GRIN3B: variants seen among roughly 807,000 people sequenced by gnomAD.
GRIN3B encodes the protein glutamate ionotropic receptor NMDA type subunit 3B, also known as glutamate receptor ionotropic, NMDA 3B.
GRIN3B carries 77 observed loss-of-function variants against 66.0 expected under a neutral mutation model. That is an observed-to-expected ratio of 1.17 (90% CI 0.97 to 1.41). The LOEUF is 1.41. Ranked by LOEUF, GRIN3B falls within the 40% of genes most tolerant of loss-of-function variation. GRIN3B has a pLI of 0.00. For missense variants in GRIN3B, 1,787 were observed against 1,564.5 expected (o/e 1.14, Z -2.40); for synonymous variants, 823 against 749.7 (o/e 1.10, Z -1.60).
chr19:1,005,323 C>A lies in GRIN3B; in HGVS notation c.1822C>A (p.Arg608Ser). 1 of 1,613,750 alleles carries A rather than the reference C, an allele frequency of 6.2e-7. No individual in the cohort carries two copies. Among genetic ancestry groups the A allele is most frequent in the Non-Finnish European group, 8.5e-7 (1 of 1,180,006 alleles). Reference protein sequence around the residue: ...RSPYGLTPRGRNRSTVFSYSS... With the variant: ...RSPYGLTPRGSNRSTVFSYSS... The stretch of plus-strand genomic sequence containing the variant: ...CCCCTACGGCCTCACGCCACGTGGC[C>A]GCAACCGCAGCACCGTCTTCTCCTA... Residue 608 changes from arginine to serine, a missense_variant, in exon 3 of 9, where the codon CGC becomes AGC. Transcript: ENST00000234389. The surrounding 1 kb of genome is among the most constrained non-coding windows in gnomAD (Gnocchi z 5.2).
At chr19:1,002,710 G>C (rs10407906) in intron 1 of GRIN3B, 29,295 of 165,626 alleles carry the variant, frequency 0.18, 3,612 homozygotes, top group African/African-American at 0.35. Flanking sequence ...AAAGGAATCA[G>C]GGAGGGACCT....
In GRIN3B at chr19:1,003,379, G is replaced by T. The variant is rs1366972751; in HGVS notation, c.676G>T (p.Val226Leu). ...RARLAPMAAP[V>L]GGEAPVPAAV... ...ACGCCTGGCCCCGATGGCGGCGCCAGTGGGGGGTGAAGCACCGGTACCCGC... is the reference window on the plus strand; with the variant it reads ...ACGCCTGGCCCCGATGGCGGCGCCATTGGGGGGTGAAGCACCGGTACCCGC... Residue 226 changes from valine (V) to leucine (L), a missense_variant, in exon 2 of 9, where the codon GTG becomes TTG. Transcript: ENST00000234389. 5.1e-6 allele frequency: 8 copies of T among 1,568,474 alleles called. No homozygotes were observed. Among genetic ancestry groups the T allele is most frequent in the Non-Finnish European group, 6.0e-6 (7 of 1,162,496 alleles).
intron 8 of GRIN3B, 35 bp from the exon 9 acceptor site, chr19:1,009,138 C>A (rs1197928051): frequency 6.9e-7 from 1 of 1,442,970 alleles, no homozygotes; most frequent in East Asian, 2.5e-5. Context: ...GACGGCTGCC[C>A]CGGCGGACAC....
intron 1 of GRIN3B, among the ~76,000 whole-genome samples, chr19:1,001,553 C>T (rs184594225): frequency 4.5e-4 from 68 of 152,112 alleles, no homozygotes; most frequent in Admixed American, 2.3e-3. Flanking sequence ...GTTGTCCCCC[C>T]CAACAGGGCT....
Position 1,008,746 on chromosome 19 carries a change from G to A in GRIN3B, c.2595G>A (p.Lys865=), listed in dbSNP as rs79458336. The A allele has an allele frequency of 3.9e-3, 6,316 of 1,607,240 alleles. 248 individuals are homozygous for A. In the Admixed American group the frequency reaches 0.077, roughly 20 times the overall value. ...GCCTGGCGCTGCCGCGCATCCGCAA[G>A]GGGAGCAGGCTGCAGTACTGGCTGC... ...FFRLALPRIR[K]GSRLQYWLHT... The change falls in exon 7 of 9, where the codon AAG becomes AAA. Residue 865 remains lysine, a synonymous_variant. Coordinates refer to ENST00000234389, the MANE Select transcript of GRIN3B (RefSeq NM_138690.3).
Position 1,008,905 on chromosome 19 carries a change from G to GA in GRIN3B, c.2681dup (p.Thr895AspfsTer101). 1.2e-6 allele frequency: 2 copies of GA among 1,609,968 alleles called. No homozygotes were observed. Among genetic ancestry groups the GA allele is most frequent in the Non-Finnish European group, 1.7e-6 (2 of 1,178,526 alleles). ...GGAGCCACCAGAGGGGTCGAAGGAG[G>GA]AGACGGCAGAGGCGGAGCCCAGGTA... is the stretch of plus-strand genomic sequence containing the variant. On this transcript the variant is annotated frameshift_variant, in exon 8 of 9. Transcript: ENST00000234389. LOFTEE classifies it low-confidence loss of function (END_TRUNC).
chr19:1,006,297 C>T (rs2038748251), intron 3 of GRIN3B, among the ~76,000 whole-genome samples: 1 of 151,912 alleles, frequency 6.6e-6, no homozygotes, highest in African/African-American at 2.4e-5. Context: ...TACAGGTGTG[C>T]ACCACCAAGC....
At position 1,007,377 on chromosome 19, in the gene GRIN3B, T is replaced by A. The variant is rs1266376825; in HGVS notation, c.2053-251T>A. The stretch of plus-strand genomic sequence containing the variant: ...CCAGGTGGAGATGGACTTGCCGGCG[T>A]TTAGAACAGAGGGTCTCCACCCGGG... On this transcript the variant is annotated intron_variant, in intron 3 of 8. Transcript: ENST00000234389. This position sits in a 1 kb window ranked among gnomAD's most constrained non-coding sequence, Gnocchi z 4.4. Among the ~76,000 whole-genome samples the A allele has an allele frequency of 6.6e-6, 1 of 151,484 alleles. No homozygotes were observed. Among genetic ancestry groups the A allele is most frequent in the Non-Finnish European group, 1.5e-5 (1 of 67,836 alleles).
chr19:1,007,200 G>T lies in GRIN3B; in HGVS notation c.2053-428G>T, dbSNP rs908929875. ...CGGGAGAAACAGGGTGTCAGAGGCA[G>T]TGACGACAGAGCTGCCTCCGCCTGG... On this transcript the variant is annotated intron_variant, in intron 3 of 8. Transcript: ENST00000234389. The surrounding 1 kb of genome is among the most constrained non-coding windows in gnomAD (Gnocchi z 4.4). Among the ~76,000 whole-genome samples, 1 of 152,134 alleles carries T rather than the reference G, an allele frequency of 6.6e-6. No homozygotes were observed. Among genetic ancestry groups the T allele is most frequent in the African/African-American group, 2.4e-5 (1 of 41,410 alleles).
Position 1,003,454 on chromosome 19 carries a change from G to A in GRIN3B, c.751G>A (p.Ala251Thr). 59 of 1,539,340 alleles carry A rather than the reference G, an allele frequency of 3.8e-5. No homozygotes were observed. The highest frequency in any genetic ancestry group is 5.1e-5 in the Non-Finnish European group (58 of 1,147,600). ...DIARARRVLEAVPPGPHWLLG... is the reference protein window; with the variant it reads ...DIARARRVLETVPPGPHWLLG... ...CGCCCGTGCCCGTCGGGTGCTGGAG[G>A]CCGTACCTCCCGGCCCCCACTGGCT... The change falls in exon 2 of 9, where the codon GCC (alanine) becomes ACC (threonine). Residue 251 changes from alanine to threonine, a missense_variant. Transcript: ENST00000234389.
At chr19:1,008,423 C>A in intron 6 of GRIN3B, 132 bp downstream of exon 6, 1 of 1,034,408 alleles carries the variant, frequency 9.7e-7, no homozygotes, top group South Asian at 1.6e-5. Context: ...CTTCTATTCA[C>A]CCTACAAAAC....
chr19:1,009,176 C>T lies in GRIN3B; in HGVS notation c.2706C>T (p.Gly902=), dbSNP rs1262999591. The T allele has an allele frequency of 2.0e-6, 3 of 1,470,768 alleles. No individual in the cohort carries two copies. Among genetic ancestry groups the T allele is most frequent in the African/African-American group, 2.9e-5 (2 of 68,374 alleles). The allele number at this position is 1,470,768 out of a possible 1,614,324, so 91.1% of individuals were successfully genotyped here. The change falls in exon 9 of 9, where the codon GGC becomes GGT. Residue 902 remains glycine (G), a synonymous_variant. Transcript: ENST00000234389. ...ACCAGGCCGGTTCCGTCCCCAGCGG[C>T]CCCGAGGTGGAGCAGCAGCAGCAGC... ...KEETAEAEPS[G]PEVEQQQQQQ...
At chr19:1,003,990 G>A (rs1389921587) in intron 2 of GRIN3B, among the ~76,000 whole-genome samples, 1 of 152,250 alleles carries the variant, frequency 6.6e-6, no homozygotes, top group Non-Finnish European at 1.5e-5. Flanking sequence ...TCAGGAGGCT[G>A]AGATGAGAGA....
At position 1,009,601 on chromosome 19, in the gene GRIN3B, G is replaced by A. The variant is rs759338040; in HGVS notation, c.3131G>A (p.Ter1044=). 2.8e-6 allele frequency: 4 copies of A among 1,432,272 alleles called. No individual in the cohort carries two copies. Among genetic ancestry groups the A allele is most frequent in the South Asian group, 2.9e-5 (2 of 69,996 alleles). 88.7% of individuals were successfully genotyped at this position (1,432,272 alleles called of 1,614,324 possible). ...PHSGRPGSQE[*] is the part of the protein sequence containing the mutation. Reference sequence around the variant, plus strand: ...TCTGGCCGACCGGGGAGCCAGGAATGAGGCGGCAGCCGGGCCGTTTGGGCT... The same window carrying A: ...TCTGGCCGACCGGGGAGCCAGGAATAAGGCGGCAGCCGGGCCGTTTGGGCT... Residue 1044 remains the stop codon, a stop_retained_variant, in exon 9 of 9, where the codon TGA becomes TAA. Coordinates refer to ENST00000234389, the MANE Select transcript of GRIN3B (RefSeq NM_138690.3).
intron 2 of GRIN3B, among the ~76,000 whole-genome samples, chr19:1,003,952 G>A (rs753230747): frequency 2.0e-5 from 3 of 152,256 alleles, no homozygotes; most frequent in Non-Finnish European, 1.5e-5. Flanking sequence ...AGCTGGGCGT[G>A]GTGACACGCA....
rs1568392447 is a variant in GRIN3B, at chr19:1,007,748, A to C, written c.2173A>C (p.Thr725Pro). The C allele has an allele frequency of 1.3e-6, 2 of 1,519,760 alleles. No homozygotes were observed. Among genetic ancestry groups the C allele is most frequent in the Non-Finnish European group, 1.8e-6 (2 of 1,135,118 alleles). The allele number at this position is 1,519,760 out of a possible 1,614,324, so 94.1% of individuals were successfully genotyped here. Residue 725 changes from threonine (T) to proline (P), a missense_variant, in exon 4 of 9, where the codon ACG (threonine) becomes CCG (proline). Transcript: ENST00000234389. The surrounding 1 kb of genome is among the most constrained non-coding windows in gnomAD (Gnocchi z 4.4). ...AHMRRHSAPT[T>P]PRGVAMLTSD... Reference sequence around the variant, plus strand: ...CATGCGGCGCCACAGCGCGCCCACCACGCCCCGCGGCGTCGCCATGCTCAC... The same window carrying C: ...CATGCGGCGCCACAGCGCGCCCACCCCGCCCCGCGGCGTCGCCATGCTCAC...
rs769055248 is a variant in GRIN3B, at chr19:1,005,542, C to T, written c.2041C>T (p.His681Tyr). The T allele has an allele frequency of 1.9e-6, 3 of 1,599,994 alleles. No individual in the cohort carries two copies. The South Asian group carries it at 3.3e-5, about 18-fold the overall frequency. The change falls in exon 3 of 9, where the codon CAC becomes TAC. Residue 681 changes from histidine to tyrosine, a missense_variant. By Grantham distance (83) the His-to-Tyr change is moderately conservative (BLOSUM62 2). Coordinates refer to ENST00000234389, the MANE Select transcript of GRIN3B (RefSeq NM_138690.3). This position sits in a 1 kb window ranked among gnomAD's most constrained non-coding sequence, Gnocchi z 5.2. The part of the protein sequence containing the change: ...DKTFEELSGI[H>Y]DPKLHHPAQG... ...GACCTTCGAGGAGCTGTCGGGGATC[C>T]ACGACCCCAAGGTGGGCGGCCTCGG... is the stretch of plus-strand genomic sequence containing the variant.
At position 1,004,570 on chromosome 19, in the gene GRIN3B, A is replaced by G. The variant is rs755747069; in HGVS notation, c.1069A>G (p.Thr357Ala). 9 of 1,359,638 alleles carry G rather than the reference A, an allele frequency of 6.6e-6. No individual in the cohort carries two copies. The South Asian group carries it at 8.0e-5, about 12-fold the overall frequency. 84.2% of individuals were successfully genotyped at this position (1,359,638 alleles called of 1,614,324 possible). ...GGGCCGCACGGGCCCCGTGTGGGTG[A>G]CAGGCAGCTCCCAGGTACACATGTC... ...FQGRTGPVWVTGSSQVHMSRH... is the reference protein window; with the variant it reads ...FQGRTGPVWVAGSSQVHMSRH... Residue 357 changes from threonine to alanine, a missense_variant, in exon 3 of 9, where the codon ACA (threonine) becomes GCA (alanine). Thr to Ala is a moderately conservative substitution (Grantham distance 58, BLOSUM62 0). Coordinates refer to ENST00000234389, the MANE Select transcript of GRIN3B (RefSeq NM_138690.3).
At position 1,005,429 on chromosome 19, in the gene GRIN3B, G is replaced by GAA; in HGVS notation, c.1928_1929insAA (p.Leu644ThrfsTer4). On this transcript the variant is annotated frameshift_variant, in exon 3 of 9. Coordinates refer to ENST00000234389, the MANE Select transcript of GRIN3B (RefSeq NM_138690.3). LOFTEE classifies it high-confidence loss of function. This position sits in a 1 kb window ranked among gnomAD's most constrained non-coding sequence, Gnocchi z 5.2. ...AAGACGCCCAAGTGCCCCACGGGCC[G>GAA]CCTGCTCATGAACCTCTGGGCCATC... is the stretch of plus-strand genomic sequence containing the variant. 2 of 1,613,612 alleles carry GAA rather than the reference G, an allele frequency of 1.2e-6. No individual in the cohort carries two copies. The highest frequency in any genetic ancestry group is 1.7e-6 in the Non-Finnish European group (2 of 1,179,998).
Sources: gnomAD v4.1 joint callset for allele counts (sites outside exome capture counted in the v4.1 genomes callset) on GRCh38, gnomAD v4.1.1 for gene constraint, Gnocchi (gnomAD v3.1) non-coding constraint, MANE v1.5 for transcripts, NCBI Gene and HGNC (gene_info 2026-07-23, HGNC 2026-07-21) for gene names.